The following MYL3 variants were observed in gnomAD, a reference collection of about 807,000 sequenced individuals.
MYL3 encodes CMLC1.
A neutral mutation model predicts 21.3 loss-of-function variants in MYL3; 11 were observed. That is an observed-to-expected ratio of 0.52 (90% CI 0.32 to 0.85). The LOEUF (loss-of-function observed/expected upper bound fraction) is 0.85, where lower values mean the gene tolerates loss of function less well. Among genes scored for constraint, MYL3 ranks in the 40% least tolerant of loss-of-function variants. The pLI, the probability that MYL3 is intolerant of heterozygous loss-of-function variation, is 0.03. For synonymous variants in MYL3, 88 were observed against 91.6 expected (o/e 0.96, Z 0.22); for missense variants, 206 against 253.3 (o/e 0.81, Z 1.27).
chr3:46,863,604 G>T (rs552601592), upstream of MYL3: 804 of 558,462 alleles, frequency 1.4e-3, 2 homozygotes, highest in Non-Finnish European at 2.0e-3. Flanking sequence ...TCAGGAATGG[G>T]TAGTGGAGGA....
Position 46,860,595 on chromosome 3 carries a change from T to A in MYL3, c.307+81A>T. The A allele has an allele frequency of 6.3e-7, 1 of 1,578,662 alleles. No individual in the cohort carries two copies. On this transcript the variant is annotated intron_variant, in intron 3 of 6. Transcript: ENST00000292327. The surrounding 1 kb of genome is among the most constrained non-coding windows in gnomAD (Gnocchi z 4.6). ...GAGATGTCAGGAAAGATTCTCGTGCTATCCCGCAGGATGGATGGCAGCCCA... is the reference window on the plus strand; with the variant it reads ...GAGATGTCAGGAAAGATTCTCGTGCAATCCCGCAGGATGGATGGCAGCCCA...
chr3:46,866,469 A>G (rs982576094), upstream of MYL3: 1 of 152,234 alleles, frequency 6.6e-6, no homozygotes, highest in African/African-American at 2.4e-5. Flanking sequence ...TAAGGCAGGA[A>G]AGCCCGGCCA....
chr3:46,866,004 C>T (rs1702046008), upstream of MYL3, among the ~76,000 whole-genome samples: 1 of 151,968 alleles, frequency 6.6e-6, no homozygotes, highest in African/African-American at 2.4e-5. Flanking sequence ...AACTGCCTAG[C>T]CCCCAGTAGG....
At chr3:46,862,536 G>C (rs544958004) in intron 1 of MYL3, among the ~76,000 whole-genome samples, 117 of 152,294 alleles carry the variant, frequency 7.7e-4, no homozygotes, top group African/African-American at 2.4e-3. Flanking sequence ...GGCAGCAGTG[G>C]TCCCAGCCAA....
At chr3:46,872,702 G>A (rs561533239) in intron 1 of MYL3, among the ~76,000 whole-genome samples, 67 of 152,366 alleles carry the variant, frequency 4.4e-4, no homozygotes, top group African/African-American at 1.5e-3. Context: ...GGGGTCGAGG[G>A]TGGGTCCTCT....
intron 1 of MYL3, among the ~76,000 whole-genome samples, chr3:46,878,134 C>T (rs988682941): frequency 1.3e-5 from 2 of 152,202 alleles, no homozygotes; most frequent in Non-Finnish European, 2.9e-5. Context: ...CTCCCTTCAC[C>T]TTCCTGAGAG....
At chr3:46,877,584 T>C (rs557726224) in intron 1 of MYL3, among the ~76,000 whole-genome samples, 1 of 152,324 alleles carries the variant, frequency 6.6e-6, no homozygotes, top group East Asian at 1.9e-4. Flanking sequence ...ACCGGCACAC[T>C]TGGATCTGCC....
At chr3:46,876,101 T>C (rs1359864445) in intron 1 of MYL3, among the ~76,000 whole-genome samples, 1 of 152,240 alleles carries the variant, frequency 6.6e-6, no homozygotes, top group African/African-American at 2.4e-5. Context: ...AAGACCCAAG[T>C]GCCTGGGCAC....
chr3:46,869,852 C>A (rs1026033033), intron 1 of MYL3, among the ~76,000 whole-genome samples: 2 of 152,112 alleles, frequency 1.3e-5, no homozygotes, highest in Non-Finnish European at 2.9e-5. Flanking sequence ...GTCAGTCAGA[C>A]GAGGAGTCTG....
At position 46,860,598 on chromosome 3, in the gene MYL3, C is replaced by T; in HGVS notation, c.307+78G>A. On this transcript the variant is annotated intron_variant, in intron 3 of 6. Coordinates refer to ENST00000292327, the MANE Select transcript of MYL3 (RefSeq NM_000258.3). This position sits in a 1 kb window ranked among gnomAD's most constrained non-coding sequence, Gnocchi z 4.6. ...ATGTCAGGAAAGATTCTCGTGCTAT[C>T]CCGCAGGATGGATGGCAGCCCACCC... The T allele has an allele frequency of 6.3e-7, 1 of 1,587,008 alleles. No homozygotes were observed. The highest frequency in any genetic ancestry group is 2.2e-5 in the East Asian group (1 of 44,552).
chr3:46,878,056 C>A (rs964000415), intron 1 of MYL3, among the ~76,000 whole-genome samples: 1 of 152,198 alleles, frequency 6.6e-6, no homozygotes, highest in African/African-American at 2.4e-5. Context: ...ACCTCTAGCT[C>A]CTTGGGAGCC....
chr3:46,865,969 A>G (rs916797351), upstream of MYL3, among the ~76,000 whole-genome samples: 8 of 152,062 alleles, frequency 5.3e-5, no homozygotes, highest in Non-Finnish European at 7.4e-5. The surrounding 1 kb of genome is among the most constrained non-coding windows in gnomAD (Gnocchi z 4.3). Flanking sequence ...GGACTCACCC[A>G]CAGGCCCACC....
At chr3:46,875,681 T>C (rs531011519) in intron 1 of MYL3, among the ~76,000 whole-genome samples, 64 of 152,256 alleles carry the variant, frequency 4.2e-4, no homozygotes, top group African/African-American at 1.5e-3. Flanking sequence ...ACCTGGAAAC[T>C]CAGGCGAGTC....
At chr3:46,867,801 G>C (rs562730658), upstream of MYL3, among the ~76,000 whole-genome samples, 5 of 152,352 alleles carry the variant, frequency 3.3e-5, no homozygotes, top group South Asian at 1.0e-3. Context: ...AGGTCCTGGG[G>C]ACCCTGTCCT....
rs76782870 is a variant in MYL3, at chr3:46,879,916, A to G, written c.-218+2158T>C. ...TAGCCAGGCGTGGTGGTGCACAACT[A>G]TAATGCCAGCTACTCAGGAGGCTGA... On this transcript the variant is annotated intron_variant, in intron 1 of 3. Coordinates refer to the MYL3 transcript ENST00000431168. This position sits in a 1 kb window ranked among gnomAD's most constrained non-coding sequence, Gnocchi z 4.7. Among the ~76,000 whole-genome samples the G allele has an allele frequency of 2.6e-5, 4 of 152,150 alleles. No homozygotes were observed. The South Asian group carries it at 8.3e-4, about 32-fold the overall frequency.
At position 46,858,251 on chromosome 3, in the gene MYL3, G is replaced by A. The variant is rs1246431939; in HGVS notation, c.581C>T (p.Ser194Phe). Residue 194 changes from serine to phenylalanine, a missense_variant, in exon 6 of 7, where the codon TCC becomes TTC. Ser to Phe is a radical substitution (Grantham distance 155, BLOSUM62 -2). Coordinates refer to ENST00000292327, the MANE Select transcript of MYL3 (RefSeq NM_000258.3). The stretch of plus-strand genomic sequence containing the variant: ...CCTACCTGGGCACGAGGTTTAGCTG[G>A]ACATGATGTGCTTCACAAATGCTGG... ...NYEAFVKHIM[S>F]S 4.3e-6 allele frequency: 7 copies of A among 1,614,152 alleles called. No individual in the cohort carries two copies. The highest frequency in any genetic ancestry group is 5.9e-6 in the Non-Finnish European group (7 of 1,180,032).
chr3:46,873,918 C>T (rs1014232308), intron 1 of MYL3, among the ~76,000 whole-genome samples: 2 of 152,238 alleles, frequency 1.3e-5, no homozygotes, highest in African/African-American at 4.8e-5. Context: ...CCAGTGTCCC[C>T]TCCAGCTTCA....
rs534246386 is a variant in MYL3, at chr3:46,879,364, A to G, written c.-218+2710T>C. On this transcript the variant is annotated intron_variant, in intron 1 of 3. Coordinates refer to the MYL3 transcript ENST00000431168. The surrounding 1 kb of genome is among the most constrained non-coding windows in gnomAD (Gnocchi z 4.7). ...ATCTCTCAGTCCTTCCAATCCCTCC[A>G]TTAATGTTCTTTTCTCATCACCAAG... is the stretch of plus-strand genomic sequence containing the variant. 2.6e-5 allele frequency among the ~76,000 whole-genome samples: 4 copies of G among 152,292 alleles called. No homozygotes were observed. The highest frequency in any genetic ancestry group is 9.6e-5 in the African/African-American group (4 of 41,552).
chr3:46,865,335 G>C (rs930300042), upstream of MYL3, among the ~76,000 whole-genome samples: 47 of 151,984 alleles, frequency 3.1e-4, no homozygotes, highest in Non-Finnish European at 5.7e-4. This position sits in a 1 kb window ranked among gnomAD's most constrained non-coding sequence, Gnocchi z 4.3. Flanking sequence ...AGAAAGAAAG[G>C]GGTGGGGGGA....
Sources: gnomAD v4.1 joint callset for allele counts (sites outside exome capture counted in the v4.1 genomes callset) on GRCh38, gnomAD v4.1.1 for gene constraint, Gnocchi (gnomAD v3.1) non-coding constraint, MANE v1.5 for transcripts, NCBI Gene and HGNC (gene_info 2026-07-23, HGNC 2026-07-21) for gene names.